The following MICU1 variants were observed in gnomAD, a reference collection of about 807,000 sequenced individuals.
MICU1 encodes the protein mitochondrial calcium uptake 1, also known as calcium uptake protein 1, mitochondrial.
In MICU1, 45 loss-of-function variants were observed where a neutral mutation model predicts 56.8. That is an observed-to-expected ratio of 0.79 (90% CI 0.62 to 1.02). MICU1 has a LOEUF of 1.02. Ranked by LOEUF, MICU1 falls within the 50% of genes least tolerant of loss-of-function variation. The pLI is 0.00. For synonymous variants in MICU1, 186 were observed against 195.1 expected, an observed-to-expected ratio of 0.95 and a Z score of 0.39; for missense variants, 504 against 587.1, an observed-to-expected ratio of 0.86 and a Z score of 1.46.
intron 10 of MICU1, among the ~76,000 whole-genome samples, chr10:72,404,595 G>A (rs1387704185): frequency 6.6e-6 from 1 of 152,110 alleles, no homozygotes; most frequent in Admixed American, 6.5e-5. Context: ...AGGAGTAAAA[G>A]GGGATTTCAG....
intron 1 of MICU1, among the ~76,000 whole-genome samples, chr10:72,580,649 G>A (rs149950117): frequency 2.1e-3 from 312 of 152,120 alleles, no homozygotes; most frequent in African/African-American, 7.1e-3. Flanking sequence ...GCTAACTTTC[G>A]TATTTTTTGT....
chr10:72,425,401 C>T (rs1425595493), intron 8 of MICU1, among the ~76,000 whole-genome samples: 2 of 152,220 alleles, frequency 1.3e-5, no homozygotes, highest in South Asian at 2.1e-4. Flanking sequence ...GGCCTTTATT[C>T]TCTGTTCTTC....
intron 1 of MICU1, among the ~76,000 whole-genome samples, chr10:72,589,293 A>G (rs1028622072): frequency 3.1e-5 from 4 of 130,902 alleles, no homozygotes; most frequent in Non-Finnish European, 6.1e-5. Flanking sequence ...CGTCTCAGGG[A>G]AAAAAAAAAA....
At chr10:72,447,127 C>T (rs958398000) in intron 8 of MICU1, among the ~76,000 whole-genome samples, 38 of 151,940 alleles carry the variant, frequency 2.5e-4, no homozygotes, top group African/African-American at 8.2e-4. Flanking sequence ...TCTTTTTGCC[C>T]GTAAAAACCA....
intron 1 of MICU1, among the ~76,000 whole-genome samples, chr10:72,576,302 T>C (rs958101445): frequency 2.9e-5 from 4 of 139,088 alleles, no homozygotes; most frequent in South Asian, 2.4e-4. Context: ...AAGGCCAAGA[T>C]AGGCCAAAAG....
intron 4 of MICU1, among the ~76,000 whole-genome samples, chr10:72,540,057 C>T (rs528859910): frequency 6.6e-6 from 1 of 152,028 alleles, no homozygotes; most frequent in South Asian, 2.1e-4. Flanking sequence ...CACCTGAGGT[C>T]AGGAGTTCAA....
At chr10:72,495,036 G>T (rs1426015610) in intron 6 of MICU1, among the ~76,000 whole-genome samples, 1 of 152,166 alleles carries the variant, frequency 6.6e-6, no homozygotes, top group East Asian at 1.9e-4. Context: ...TTATTTGACA[G>T]TTGTGTTATA....
intron 1 of MICU1, among the ~76,000 whole-genome samples, chr10:72,614,954 C>T (rs1841941319): frequency 6.6e-6 from 1 of 152,136 alleles, no homozygotes; most frequent in Admixed American, 6.6e-5. Context: ...ACGATTTTGA[C>T]CACTTTTAAG....
rs573427074 is a variant in MICU1, at chr10:72,439,579, G to C, written c.934-16208C>G. ...AATCAAGCAAGAGAAAGAAATAAAG[G>C]GTATTCAATTAGGAAATGAGGAAGT... On this transcript the variant is annotated intron_variant, in intron 8 of 11. Transcript: ENST00000361114. 1.2e-3 allele frequency among the ~76,000 whole-genome samples: 189 copies of C among 152,146 alleles called. 4 individuals are homozygous for C. The South Asian group carries it at 0.035, about 28-fold the overall frequency.
At chr10:72,560,365 A>G (rs1479327328) in intron 3 of MICU1, 1 of 152,148 alleles carries the variant, frequency 6.6e-6, no homozygotes, top group African/African-American at 2.4e-5. Context: ...TTTTCAGTAG[A>G]AAATAAGTGG....
chr10:72,372,913 CAA>C (rs773051618), intron 11 of MICU1, among the ~76,000 whole-genome samples: 9 of 48,502 alleles, frequency 1.9e-4, no homozygotes, highest in Non-Finnish European at 2.5e-4. Flanking sequence ...GAGTGAGCCT[CAA>C]AAAAAAAAAA....
At chr10:72,579,153 C>T (rs1318749133) in intron 1 of MICU1, among the ~76,000 whole-genome samples, 1 of 152,134 alleles carries the variant, frequency 6.6e-6, no homozygotes, top group African/African-American at 2.4e-5. Context: ...TATGTATTTA[C>T]ATATAAATAA....
intron 6 of MICU1, among the ~76,000 whole-genome samples, chr10:72,502,454 C>G (rs1239577668): frequency 6.6e-6 from 1 of 152,194 alleles, no homozygotes; most frequent in African/African-American, 2.4e-5. Flanking sequence ...CCGCGCCCAG[C>G]CTTATTCCGT....
chr10:72,493,841 G>A (rs1371222920), intron 6 of MICU1, among the ~76,000 whole-genome samples: 1 of 152,122 alleles, frequency 6.6e-6, no homozygotes, highest in Non-Finnish European at 1.5e-5. Context: ...AAAAGGAATT[G>A]CTGGACCAAA....
Position 72,569,225 on chromosome 10 carries a change from A to ATT in MICU1, c.-1-2432_-1-2431insAA, listed in dbSNP as rs1320606721. ...TATATGCATATATATATATATATAT[A>ATT]TATATATATATATTTTTTTTTTTTT... On this transcript the variant is annotated intron_variant, in intron 1 of 11. Coordinates refer to ENST00000361114, the MANE Select transcript of MICU1 (RefSeq NM_001195518.2). 3.7e-3 allele frequency among the ~76,000 whole-genome samples: 151 copies of ATT among 40,478 alleles called. 9 individuals carry two copies. The highest frequency in any genetic ancestry group is 0.017 in the African/African-American group (143 of 8,438). 26.6% of individuals were successfully genotyped at this position (40,478 alleles called of 152,430 possible).
intron 8 of MICU1, among the ~76,000 whole-genome samples, chr10:72,456,699 T>C (rs1470211684): frequency 6.6e-6 from 1 of 151,980 alleles, no homozygotes; most frequent in African/African-American, 2.4e-5. Context: ...TTTCTTTTTC[T>C]TTTTTTTGAG....
intron 8 of MICU1, among the ~76,000 whole-genome samples, chr10:72,453,343 C>A (rs529449708): frequency 2.6e-4 from 40 of 152,162 alleles, no homozygotes; most frequent in African/African-American, 9.2e-4. Flanking sequence ...GAATATACCA[C>A]GATATTCTTT....
chr10:72,402,273 C>A (rs973930181), intron 10 of MICU1, among the ~76,000 whole-genome samples: 3 of 152,118 alleles, frequency 2.0e-5, no homozygotes, highest in African/African-American at 7.2e-5. Context: ...CAACCCTGTC[C>A]CCGATTCCAT....
rs551740697 is a variant in MICU1 at position 72,509,432 on chromosome 10, A to G, written c.538-1163T>C. ...GTGGAGATCCCATCATAAACCACAA[A>G]GGAAAGAAAACTGGTTAACCAACTG... On this transcript the variant is annotated intron_variant, in intron 5 of 11. Coordinates refer to ENST00000361114, the MANE Select transcript of MICU1 (RefSeq NM_001195518.2). The G allele has an allele frequency of 3.8e-6, 5 of 1,320,936 alleles. No homozygotes were observed. The South Asian group carries it at 6.0e-5, about 16-fold the overall frequency. The allele number at this position is 1,320,936 out of a possible 1,614,324, so 81.8% of individuals were successfully genotyped here.
Sources: allele counts gnomAD v4.1 joint callset (sites outside exome capture counted in the v4.1 genomes callset), GRCh38; gene constraint gnomAD v4.1.1; transcripts MANE v1.5; gene names NCBI Gene and HGNC (gene_info 2026-07-23, HGNC 2026-07-21).